Variants in CYP2C19 observed in about 807,000 individuals in gnomAD.
The protein encoded by CYP2C19 is cytochrome P450 family 2 subfamily C member 19.
A neutral mutation model predicts 40.9 loss-of-function variants in CYP2C19; 59 were observed. The ratio of observed to expected loss-of-function variants is 1.44; its 90% CI spans 1.17 to 1.79. CYP2C19 has a LOEUF of 1.79. Ranked by LOEUF, CYP2C19 falls within the 40% of genes most tolerant of loss-of-function variation. CYP2C19 has a pLI of 0.00. For synonymous variants in CYP2C19, 253 were observed against 208.7 expected, an observed-to-expected ratio of 1.21 and a Z score of -1.83; for missense variants, 754 against 596.9, an observed-to-expected ratio of 1.26 and a Z score of -2.74.
At chr10:94,818,236 T>G (rs1479014794) in intron 5 of CYP2C19, among the ~76,000 whole-genome samples, 1 of 146,118 alleles carries the variant, frequency 6.8e-6, no homozygotes, top group Non-Finnish European at 1.5e-5. Flanking sequence ...TCTGTTCTGT[T>G]CCATTGATCT....
intron 6 of CYP2C19, among the ~76,000 whole-genome samples, chr10:94,823,815 T>C (rs1342592586): frequency 1.3e-5 from 2 of 152,228 alleles, no homozygotes; most frequent in Admixed American, 1.3e-4. Context: ...ATGTGCTTAA[T>C]TCAAATGCCT....
intron 7 of CYP2C19, among the ~76,000 whole-genome samples, chr10:94,848,158 T>C (rs1849600731): frequency 1.3e-5 from 2 of 152,228 alleles, no homozygotes; most frequent in Non-Finnish European, 2.9e-5. Flanking sequence ...TGCCCATGCC[T>C]ATGTCCTGAG....
At chr10:94,840,477 C>G (rs545040215) in intron 6 of CYP2C19, among the ~76,000 whole-genome samples, 2 of 152,152 alleles carry the variant, frequency 1.3e-5, no homozygotes, top group Admixed American at 6.5e-5. Context: ...CTCCTTAGAT[C>G]CCTTTAGAGA....
chr10:94,768,966 G>C (rs1402309743), intron 1 of CYP2C19, among the ~76,000 whole-genome samples: 2 of 152,076 alleles, frequency 1.3e-5, no homozygotes, highest in African/African-American at 4.8e-5. Flanking sequence ...GAGGGGCCTG[G>C]CTATCTCACT....
At chr10:94,791,121 TC>T (rs1183076612) in intron 5 of CYP2C19, among the ~76,000 whole-genome samples, 2 of 152,178 alleles carry the variant, frequency 1.3e-5, no homozygotes, top group East Asian at 3.8e-4. Flanking sequence ...CGGGAATTTA[TC>T]CATTTCTTTT....
intron 1 of CYP2C19, among the ~76,000 whole-genome samples, chr10:94,764,082 G>A (rs113410008): frequency 0.018 from 2,708 of 152,148 alleles, 97 homozygotes; most frequent in African/African-American, 0.061. Context: ...AGACCTTTGC[G>A]GTGAGTGTTA....
intron 7 of CYP2C19, among the ~76,000 whole-genome samples, chr10:94,849,337 A>AT (rs919680424): frequency 6.6e-5 from 10 of 150,426 alleles, no homozygotes; most frequent in Admixed American, 2.0e-4. Flanking sequence ...TTATTTATTT[A>AT]TTTTTTTCAT....
In CYP2C19 at chr10:94,805,193, C is replaced by A. The variant is rs909973839; in HGVS notation, c.820-15303C>A. 3.1e-4 allele frequency among the ~76,000 whole-genome samples: 47 copies of A among 151,778 alleles called. 1 individual carries two copies. Among genetic ancestry groups the A allele is most frequent in the African/African-American group, 1.0e-3 (43 of 41,300 alleles). On this transcript the variant is annotated intron_variant, in intron 5 of 8. Coordinates refer to ENST00000371321, the MANE Select transcript of CYP2C19 (RefSeq NM_000769.4). ...CAAAATTTAGTATGCCTTAGCTTTGCAGTTTTCATAAATATGCTTTATTAT... is the reference window on the plus strand; with the variant it reads ...CAAAATTTAGTATGCCTTAGCTTTGAAGTTTTCATAAATATGCTTTATTAT...
At chr10:94,840,115 C>CCG (rs1374364168) in intron 6 of CYP2C19, among the ~76,000 whole-genome samples, 18 of 152,190 alleles carry the variant, frequency 1.2e-4, no homozygotes, top group African/African-American at 3.9e-4. Context: ...TTTGGCCCAT[C>CCG]CGCGGGTTAC....
At chr10:94,813,829 G>A (rs1344166975) in intron 5 of CYP2C19, among the ~76,000 whole-genome samples, 1 of 151,448 alleles carries the variant, frequency 6.6e-6, no homozygotes, top group Non-Finnish European at 1.5e-5. Flanking sequence ...CACCACTGGG[G>A]CATAAAAAAA....
intron 4 of CYP2C19, 49 bp downstream of exon 4, chr10:94,780,708 T>C (rs1224345499): frequency 6.2e-7 from 1 of 1,602,240 alleles, no homozygotes; most frequent in East Asian, 2.2e-5. Context: ...AGTCTTTTTT[T>C]CTGGGAAATC....
Position 94,849,925 on chromosome 10 carries a change from C to T in CYP2C19, c.1158C>T (p.Thr386=), listed in dbSNP as rs778491663. ...FRNYLIPKGT[T]ILTSLTSVLH... ...ATGTCTCTTGTTTCTAGGGCACAAC[C>T]ATATTAACTTCCCTCACTTCTGTGC... The change falls in exon 8 of 9, where the codon ACC becomes ACT. Residue 386 remains threonine (T), a synonymous_variant. Transcript: ENST00000371321. 6.2e-7 allele frequency: 1 copy of T among 1,613,578 alleles called. No individual in the cohort carries two copies. The highest frequency in any genetic ancestry group is 8.5e-7 in the Non-Finnish European group (1 of 1,179,690).
intron 1 of CYP2C19, among the ~76,000 whole-genome samples, chr10:94,772,778 G>A (rs1020548112): frequency 3.3e-5 from 5 of 152,106 alleles, no homozygotes; most frequent in Non-Finnish European, 7.4e-5. Flanking sequence ...GGCCACATTG[G>A]TCACTTTTTG....
chr10:94,833,743 A>T (rs1412833539), intron 6 of CYP2C19, among the ~76,000 whole-genome samples: 3 of 152,252 alleles, frequency 2.0e-5, no homozygotes, highest in African/African-American at 7.2e-5. Context: ...CTTTTTCAGC[A>T]TCAACTGAAA....
At chr10:94,845,981 A>G (rs887586683) in intron 7 of CYP2C19, among the ~76,000 whole-genome samples, 8 of 152,280 alleles carry the variant, frequency 5.3e-5, no homozygotes, top group African/African-American at 1.9e-4. Flanking sequence ...CAGTATATGT[A>G]GCCCAATAAC....
At chr10:94,775,750 A>C (rs536749459) in intron 3 of CYP2C19, 1 of 713,600 alleles carries the variant, frequency 1.4e-6, no homozygotes, top group Non-Finnish European at 2.3e-6. Flanking sequence ...GTGTGGGTAT[A>C]AAAGTTCATT....
chr10:94,780,748 T>C, intron 4 of CYP2C19, 89 bp downstream of exon 4: 2 of 1,444,884 alleles, frequency 1.4e-6, no homozygotes, highest in Non-Finnish European at 9.6e-7. Flanking sequence ...AGCCCTGAAG[T>C]ACATTTTTGA....
At chr10:94,847,239 C>A (rs1022128147) in intron 7 of CYP2C19, among the ~76,000 whole-genome samples, 2 of 152,078 alleles carry the variant, frequency 1.3e-5, no homozygotes, top group South Asian at 2.1e-4. Context: ...CCCTCCACCC[C>A]AAAACAGTCC....
intron 5 of CYP2C19, among the ~76,000 whole-genome samples, chr10:94,799,613 C>G (rs1848736688): frequency 6.6e-6 from 1 of 152,120 alleles, no homozygotes; most frequent in Non-Finnish European, 1.5e-5. Flanking sequence ...TTCCATTCTC[C>G]CTATCACTTT....
Sources: allele counts gnomAD v4.1 joint callset (sites outside exome capture counted in the v4.1 genomes callset), GRCh38; gene constraint gnomAD v4.1.1; transcripts MANE v1.5; gene names NCBI Gene and HGNC (gene_info 2026-07-23, HGNC 2026-07-21).